The following NUP210 variants were observed in gnomAD, a reference collection of about 807,000 sequenced individuals.
NUP210 encodes the protein nuclear pore membrane glycoprotein 210.
In NUP210, 151 loss-of-function variants were observed where a neutral mutation model predicts 196.0. That is an observed-to-expected ratio of 0.77 (90% CI 0.67 to 0.88). NUP210 has a LOEUF of 0.88. NUP210 is among the 40% of genes least tolerant of loss of function. The pLI is 0.00. For synonymous variants in NUP210, 1,070 were observed against 1,052.7 expected, an observed-to-expected ratio of 1.02 and a Z score of -0.32; for missense variants, 2,314 against 2,493.7, an observed-to-expected ratio of 0.93 and a Z score of 1.53.
chr3:13,332,244 G>T, intron 29 of NUP210, 49 bp downstream of exon 29: 1 of 1,471,204 alleles, frequency 6.8e-7, no homozygotes, highest in South Asian at 1.1e-5. Context: ...GGTGTCGGAT[G>T]CAAGCACAGC....
At chr3:13,400,766 G>A (rs1354434268) in intron 1 of NUP210, among the ~76,000 whole-genome samples, 1 of 152,154 alleles carries the variant, frequency 6.6e-6, no homozygotes, top group Non-Finnish European at 1.5e-5. Flanking sequence ...AGAGTTTATA[G>A]TGTGACCAAG....
At chr3:13,384,732 T>C (rs567179211) in intron 6 of NUP210, among the ~76,000 whole-genome samples, 13 of 152,230 alleles carry the variant, frequency 8.5e-5, no homozygotes, top group Non-Finnish European at 1.8e-4. Flanking sequence ...TGGATAATTT[T>C]ATATTTCTGA....
chr3:13,392,364 C>T (rs556744670), intron 3 of NUP210, among the ~76,000 whole-genome samples: 2 of 152,204 alleles, frequency 1.3e-5, no homozygotes, highest in South Asian at 2.1e-4. Flanking sequence ...GGTGTCTTTC[C>T]GTCAATGTGA....
In NUP210 at chr3:13,376,210, T is replaced by C. The variant is rs1390856742; in HGVS notation, c.1293+81A>G. On this transcript the variant is annotated intron_variant, in intron 10 of 39. Coordinates refer to ENST00000254508, the MANE Select transcript of NUP210 (RefSeq NM_024923.4). The stretch of plus-strand genomic sequence containing the variant: ...AGGTGGCCCAACTCCCTGGGACTCA[T>C]GGCCCTCCTGGGCTGACATTTCTGC... 33 of 1,485,734 alleles carry C rather than the reference T, an allele frequency of 2.2e-5. 1 individual carries two copies. The East Asian group carries it at 4.8e-4, about 21-fold the overall frequency. The allele number at this position is 1,485,734 out of a possible 1,614,324, so 92.0% of individuals were successfully genotyped here.
intron 5 of NUP210, among the ~76,000 whole-genome samples, chr3:13,388,071 T>A (rs567048075): frequency 2.6e-5 from 4 of 152,284 alleles, no homozygotes. Context: ...GAGCAAATGC[T>A]ATGCACCCCT....
At chr3:13,326,900 C>T (rs1381334478) in intron 32 of NUP210, among the ~76,000 whole-genome samples, 6 of 152,242 alleles carry the variant, frequency 3.9e-5, no homozygotes, top group African/African-American at 1.2e-4. Context: ...CTGTGAAGGT[C>T]GGACATAAGC....
chr3:13,386,416 A>G lies in NUP210; in HGVS notation c.685-9T>C. On this transcript the variant is annotated splice_polypyrimidine_tract_variant and intron_variant, in intron 5 of 39. Transcript: ENST00000254508. The stretch of plus-strand genomic sequence containing the variant: ...TCTGCAGGGCGTACATTCTTGGCAT[A>G]AAGAAAAGGCAGACAAAGTGAGGTG... The G allele has an allele frequency of 6.2e-7, 1 of 1,613,994 alleles. No homozygotes were observed. The highest frequency in any genetic ancestry group is 8.5e-7 in the Non-Finnish European group (1 of 1,179,988).
Position 13,375,657 on chromosome 3 carries a change from G to A in NUP210, c.1294-16C>T. ...CCCCTCCATCCTACAAGGGGTGAGG[G>A]TGCCACACGTAACCATGACAACCAT... On this transcript the variant is annotated splice_polypyrimidine_tract_variant and intron_variant, in intron 10 of 39. Coordinates refer to ENST00000254508, the MANE Select transcript of NUP210 (RefSeq NM_024923.4). 1 of 1,608,856 alleles carries A rather than the reference G, an allele frequency of 6.2e-7. No individual in the cohort carries two copies. The highest frequency in any genetic ancestry group is 1.3e-5 in the African/African-American group (1 of 74,872).
chr3:13,386,512 T>G, intron 5 of NUP210, 105 bp from the exon 6 acceptor site: 1 of 1,383,038 alleles, frequency 7.2e-7, no homozygotes, highest in South Asian at 1.3e-5. Context: ...ATAGGGAAGT[T>G]AAGAGGAAAG....
intron 13 of NUP210, 21 bp from the exon 14 acceptor site, chr3:13,366,112 G>A (rs917212434): frequency 1.2e-6 from 2 of 1,606,090 alleles, no homozygotes; most frequent in Non-Finnish European, 8.5e-7. Context: ...GAGAGAACTA[G>A]ATGGTCACCC....
At chr3:13,322,451 T>A (rs1457784695) in intron 34 of NUP210, 112 bp from the exon 35 acceptor site, 6 of 1,218,582 alleles carry the variant, frequency 4.9e-6, no homozygotes, top group Middle Eastern at 2.6e-4. Context: ...CCCCTGCATG[T>A]CTTCCAGCAG....
intron 12 of NUP210, among the ~76,000 whole-genome samples, chr3:13,372,248 C>G (rs971524629): frequency 5.9e-5 from 9 of 152,220 alleles, no homozygotes; most frequent in African/African-American, 2.2e-4. Flanking sequence ...GCCAAGGCAG[C>G]CAGGCAAAGC....
chr3:13,350,400 C>T lies in NUP210; in HGVS notation c.2835+1479G>A, dbSNP rs1697925710. On this transcript the variant is annotated intron_variant, in intron 20 of 39. Transcript: ENST00000254508. This position sits in a 1 kb window ranked among gnomAD's most constrained non-coding sequence, Gnocchi z 4.1. ...TACCCAGAGTTTCTACAATACATTA[C>T]CTAAAATGTCCAGTTTCCAACAATT... Among the ~76,000 whole-genome samples, 1 of 152,082 alleles carries T rather than the reference C, an allele frequency of 6.6e-6. No individual in the cohort carries two copies. Among genetic ancestry groups the T allele is most frequent in the South Asian group, 2.1e-4 (1 of 4,812 alleles).
intron 35 of NUP210, 123 bp downstream of exon 35, chr3:13,322,070 C>G (rs2124828733): frequency 7.7e-7 from 1 of 1,293,186 alleles, no homozygotes. Context: ...CCAGGCTGGG[C>G]TCCTGACAAT....
chr3:13,337,863 T>C lies in NUP210; in HGVS notation c.3526A>G (p.Ile1176Val), dbSNP rs1697283265. Residue 1176 changes from isoleucine to valine, a missense_variant, in exon 26 of 40, where the codon ATC becomes GTC. Coordinates refer to ENST00000254508, the MANE Select transcript of NUP210 (RefSeq NM_024923.4). ...TGGGTGCCCGTCCTCATCCGCATGA[T>C]GGGGGCGCGGATCCTCACGGCCCTT... ...LLRAVRIRAPIMRMRTGTQMP... is the reference protein window; with the variant it reads ...LLRAVRIRAPVMRMRTGTQMP... The C allele has an allele frequency of 3.7e-6, 6 of 1,612,402 alleles. No individual in the cohort carries two copies. The highest frequency in any genetic ancestry group is 3.3e-4 in the Middle Eastern group (2 of 6,058).
Position 13,339,872 on chromosome 3 carries a change from C to T in NUP210, c.3453G>A (p.Lys1151=). Residue 1151 remains lysine (K), a synonymous_variant, in exon 25 of 40, where the codon AAG becomes AAA. Transcript: ENST00000254508. The part of the protein sequence containing the change: ...LVQAVDAETG[K]VVIISQDLVQ... ...CTGTTACCTGAGAGATGATGACCAC[C>T]TTGCCGGTCTCTGCATCCACTGCCT... 3 of 1,613,700 alleles carry T rather than the reference C, an allele frequency of 1.9e-6. No homozygotes were observed. Among genetic ancestry groups the T allele is most frequent in the Non-Finnish European group, 2.5e-6 (3 of 1,179,988 alleles).
chr3:13,371,801 G>A (rs1698739603), intron 13 of NUP210, 33 bp downstream of exon 13: 2 of 1,565,618 alleles, frequency 1.3e-6, no homozygotes, highest in Non-Finnish European at 1.7e-6. Flanking sequence ...CCCAATCCCA[G>A]TATCTGGCAC....
In NUP210 at chr3:13,348,437, TCGG is replaced by T; in HGVS notation, c.2835+3439_2835+3441del. ...AGGTAAATGTGAATGAGAGTGTGCCTCGGTTTCACTGGCACTGTACACATTTTT... is the reference window on the plus strand; with the variant it reads ...AGGTAAATGTGAATGAGAGTGTGCCTTTTCACTGGCACTGTACACATTTTT... On this transcript the variant is annotated intron_variant, in intron 20 of 39. Transcript: ENST00000254508. The surrounding 1 kb of genome is among the most constrained non-coding windows in gnomAD (Gnocchi z 4.0). The T allele has an allele frequency of 4.1e-6, 4 of 985,388 alleles. No homozygotes were observed. Among genetic ancestry groups the T allele is most frequent in the Non-Finnish European group, 4.8e-6 (4 of 829,916 alleles). 61.0% of individuals were successfully genotyped at this position (985,388 alleles called of 1,614,324 possible). A position where few individuals can be genotyped will look rare whatever the true frequency, so the allele number is the denominator to read the frequency against.
intron 20 of NUP210, among the ~76,000 whole-genome samples, chr3:13,343,722 C>T (rs1697613104): frequency 6.6e-6 from 1 of 152,238 alleles, no homozygotes; most frequent in Admixed American, 6.5e-5. Flanking sequence ...AGCTGGCCAC[C>T]TGCTGCTGCA....
Sources: allele counts gnomAD v4.1 joint callset (sites outside exome capture counted in the v4.1 genomes callset), GRCh38; gene constraint gnomAD v4.1.1; non-coding constraint Gnocchi (gnomAD v3.1); transcripts MANE v1.5; gene names NCBI Gene and HGNC (gene_info 2026-07-23, HGNC 2026-07-21).